PTPRD: variants seen among roughly 807,000 people sequenced by gnomAD.
The protein encoded by PTPRD is protein tyrosine phosphatase receptor type D, also known as receptor-type tyrosine-protein phosphatase delta.
In PTPRD, 34 loss-of-function variants were observed where a neutral mutation model predicts 214.5. The observed-to-expected ratio is 0.16, with a 90% CI of 0.12 to 0.21. PTPRD has a LOEUF of 0.21. Among genes scored for constraint, PTPRD ranks in the 10% least tolerant of loss-of-function variants. The pLI is 1.00. For missense variants in PTPRD, 2,545 were observed against 2,398.7 expected, an observed-to-expected ratio of 1.06 and a Z score of -1.27; for synonymous variants, 1,128 against 845.7, an observed-to-expected ratio of 1.33 and a Z score of -5.79.
At chr9:9,282,263 C>G (rs1208424771) in intron 9 of PTPRD, among the ~76,000 whole-genome samples, 1 of 151,140 alleles carries the variant, frequency 6.6e-6, no homozygotes, top group African/African-American at 2.4e-5. Context: ...CTCATTGATG[C>G]TACCAAATGT....
At chr9:8,396,836 T>C (rs1589440487) in intron 36 of PTPRD, among the ~76,000 whole-genome samples, 1 of 152,104 alleles carries the variant, frequency 6.6e-6, no homozygotes, top group South Asian at 2.1e-4. Flanking sequence ...CTGCTCCAGG[T>C]TTCCCAGGCT....
At chr9:9,507,340 A>G (rs947578604) in intron 8 of PTPRD, among the ~76,000 whole-genome samples, 1 of 151,222 alleles carries the variant, frequency 6.6e-6, no homozygotes, top group African/African-American at 2.4e-5. Flanking sequence ...GGGTAATAGG[A>G]TAAATAGTGC....
At chr9:9,570,237 G>T (rs1047361046) in intron 8 of PTPRD, among the ~76,000 whole-genome samples, 2 of 151,402 alleles carry the variant, frequency 1.3e-5, no homozygotes, top group Non-Finnish European at 3.0e-5. Flanking sequence ...TTCAAACGGT[G>T]TTTGTGACTT....
At chr9:10,012,421 C>A (rs1310532892) in intron 4 of PTPRD, among the ~76,000 whole-genome samples, 1 of 151,844 alleles carries the variant, frequency 6.6e-6, no homozygotes, top group Non-Finnish European at 1.5e-5. Flanking sequence ...CAACTTTTCA[C>A]TTATGTGTAA....
chr9:10,353,964 C>T (rs912730517), intron 2 of PTPRD, among the ~76,000 whole-genome samples: 1 of 151,974 alleles, frequency 6.6e-6, no homozygotes, highest in African/African-American at 2.4e-5. Flanking sequence ...TATTAAATAA[C>T]TGAAGCATAA....
chr9:9,031,344 T>C (rs766976359), intron 10 of PTPRD, among the ~76,000 whole-genome samples: 3 of 152,040 alleles, frequency 2.0e-5, no homozygotes, highest in Non-Finnish European at 2.9e-5. Context: ...AATTCTGTTG[T>C]TGTGTGAACA....
intron 3 of PTPRD, among the ~76,000 whole-genome samples, chr9:10,155,130 G>A (rs561734642): frequency 6.6e-6 from 1 of 151,970 alleles, no homozygotes; most frequent in African/African-American, 2.4e-5. Context: ...TTTGAGCAGT[G>A]TTTTATTGTT....
rs191582703 is a variant in PTPRD, at chr9:10,098,183, G to C, written c.-544-64393C>G. Among the ~76,000 whole-genome samples, 503 of 151,820 alleles carry C rather than the reference G, an allele frequency of 3.3e-3. 8 individuals are homozygous for C. The highest frequency in any genetic ancestry group is 0.012 in the African/African-American group (486 of 41,446). ...GAGCCATAAAAAATGATGAGTTCAT[G>C]TCCTTTGTAGGGACATGGATGAAGC... is the stretch of plus-strand genomic sequence containing the variant. On this transcript the variant is annotated intron_variant, in intron 3 of 45. Coordinates refer to ENST00000381196, the MANE Select transcript of PTPRD (RefSeq NM_002839.4).
chr9:8,542,678 C>G (rs1449891658), intron 14 of PTPRD, among the ~76,000 whole-genome samples: 1 of 152,222 alleles, frequency 6.6e-6, no homozygotes. Context: ...AAGTGTCTGT[C>G]AGTTGAACAC....
At chr9:10,319,319 C>G (rs1393707535) in intron 3 of PTPRD, among the ~76,000 whole-genome samples, 1 of 152,080 alleles carries the variant, frequency 6.6e-6, no homozygotes, top group Non-Finnish European at 1.5e-5. Context: ...TCATTTCATA[C>G]TGTGGTTTAC....
chr9:9,229,911 G>A (rs2099962004), intron 9 of PTPRD, among the ~76,000 whole-genome samples: 1 of 152,024 alleles, frequency 6.6e-6, no homozygotes, highest in South Asian at 2.1e-4. Context: ...AATTAAAATA[G>A]AGAAAGAATA....
chr9:9,698,048 C>T (rs2097416896), intron 7 of PTPRD, among the ~76,000 whole-genome samples: 1 of 152,028 alleles, frequency 6.6e-6, no homozygotes, highest in Non-Finnish European at 1.5e-5. Context: ...GACTTTTATT[C>T]TGTGTTATTT....
intron 7 of PTPRD, among the ~76,000 whole-genome samples, chr9:9,593,694 G>C (rs1007431937): frequency 3.9e-5 from 6 of 151,984 alleles, no homozygotes; most frequent in African/African-American, 1.4e-4. Context: ...AACTAGGGGA[G>C]AACCAAAGTA....
intron 10 of PTPRD, among the ~76,000 whole-genome samples, chr9:9,041,719 C>T (rs1027835641): frequency 2.0e-5 from 3 of 152,140 alleles, no homozygotes; most frequent in African/African-American, 7.2e-5. Context: ...CACTGGAAGG[C>T]ATCTCTAAAA....
intron 11 of PTPRD, among the ~76,000 whole-genome samples, chr9:8,899,086 T>C (rs1435178399): frequency 6.6e-6 from 1 of 152,138 alleles, no homozygotes; most frequent in East Asian, 1.9e-4. Flanking sequence ...GATAATTTTT[T>C]CTCTCTTAAA....
intron 5 of PTPRD, among the ~76,000 whole-genome samples, chr9:9,856,645 A>C (rs1336964806): frequency 6.6e-6 from 1 of 152,162 alleles, no homozygotes; most frequent in Admixed American, 6.5e-5. Flanking sequence ...TACCAAAAAA[A>C]AAAAATTATT....
At chr9:9,951,481 C>G (rs890671128) in intron 4 of PTPRD, among the ~76,000 whole-genome samples, 4 of 152,144 alleles carry the variant, frequency 2.6e-5, no homozygotes, top group Admixed American at 6.5e-5. Context: ...GGGAGGGACA[C>G]TTGAGCGGAT....
intron 3 of PTPRD, among the ~76,000 whole-genome samples, chr9:10,200,046 AC>A (rs1205188800): frequency 6.6e-6 from 1 of 152,046 alleles, no homozygotes; most frequent in Non-Finnish European, 1.5e-5. Flanking sequence ...TTTCTTCTAT[AC>A]AGATGTGTAA....
At chr9:9,509,854 G>C (rs965062641) in intron 8 of PTPRD, among the ~76,000 whole-genome samples, 1 of 151,124 alleles carries the variant, frequency 6.6e-6, no homozygotes, top group Non-Finnish European at 1.5e-5. Context: ...TTACTTTCCA[G>C]ATCATTTGCC....
Sources: gnomAD v4.1 joint callset for allele counts (sites outside exome capture counted in the v4.1 genomes callset) on GRCh38, gnomAD v4.1.1 for gene constraint, MANE v1.5 for transcripts, NCBI Gene and HGNC (gene_info 2026-07-23, HGNC 2026-07-21) for gene names.